Variants in TMPRSS6 observed in about 807,000 individuals in gnomAD.
TMPRSS6 encodes transmembrane protease serine 6.
TMPRSS6 carries 67 observed loss-of-function variants against 101.5 expected under a neutral mutation model. The observed-to-expected ratio is 0.66, with a 90% CI of 0.54 to 0.81. The LOEUF is 0.81. TMPRSS6 is among the 30% of genes least tolerant of loss of function. The pLI is 0.00. For synonymous variants in TMPRSS6, 453 were observed against 464.9 expected (o/e 0.97, Z 0.33); for missense variants, 1,034 against 1,088.7 (o/e 0.95, Z 0.71).
intron 1 of TMPRSS6, among the ~76,000 whole-genome samples, chr22:37,104,511 C>G (rs932000891): frequency 1.3e-5 from 2 of 152,194 alleles, no homozygotes; most frequent in African/African-American, 4.8e-5. Flanking sequence ...ATTTTGAGAC[C>G]CTTTCAAGCA....
intron 10 of TMPRSS6, among the ~76,000 whole-genome samples, chr22:37,076,942 CGGAGCCGGCCATGATTCCCAA>C (rs1388993659): frequency 1.3e-5 from 2 of 152,224 alleles, no homozygotes; most frequent in Non-Finnish European, 2.9e-5. Flanking sequence ...CAACACCCTG[CGGAGCCGGCCATGATTCCCAA>C]GGGCCAGGCA....
intron 16 of TMPRSS6, among the ~76,000 whole-genome samples, chr22:37,067,595 A>G (rs1036049850): frequency 2.0e-5 from 3 of 152,022 alleles, no homozygotes; most frequent in African/African-American, 4.8e-5. Context: ...GCTCTGTTAC[A>G]GCACCTGCAG....
intron 3 of TMPRSS6, among the ~76,000 whole-genome samples, chr22:37,097,586 C>A (rs937739108): frequency 6.6e-6 from 1 of 152,266 alleles, no homozygotes; most frequent in Non-Finnish European, 1.5e-5. Flanking sequence ...AGTGGTCCTG[C>A]AGCCTGAGAG....
chr22:37,075,238 G>T lies in TMPRSS6; in HGVS notation c.1239C>A (p.Ile413=). ...TGATCCCGGCCGTGGCCACCACGGG[G>T]ATCCTCTCGGCGTAGGGCTGCAGGA... is the stretch of plus-strand genomic sequence containing the variant. ...LRILQPYAER[I]PVVATAGITI... Residue 413 remains isoleucine (I), a synonymous_variant, in exon 11 of 18, where the codon ATC becomes ATA. Transcript: ENST00000676104. The T allele has an allele frequency of 5.0e-6, 8 of 1,613,822 alleles. No homozygotes were observed. The highest frequency in any genetic ancestry group is 6.8e-6 in the Non-Finnish European group (8 of 1,180,038).
chr22:37,099,694 G>T (rs1188257108), intron 2 of TMPRSS6, among the ~76,000 whole-genome samples: 1 of 152,256 alleles, frequency 6.6e-6, no homozygotes, highest in East Asian at 1.9e-4. Flanking sequence ...GAGGTGGTCA[G>T]TGCGGTGGGA....
At position 37,086,418 on chromosome 22, in the gene TMPRSS6, C is replaced by A. The variant is rs201148397; in HGVS notation, c.838G>T (p.Val280Leu). The A allele has an allele frequency of 1.5e-3, 2,439 of 1,580,844 alleles. 5 individuals carry two copies. Among genetic ancestry groups the A allele is most frequent in the Non-Finnish European group, 1.9e-3 (2,229 of 1,163,340 alleles). Residue 280 changes from valine to leucine, a missense_variant and splice_region_variant, in exon 8 of 18, where the codon GTG (valine) becomes TTG (leucine). Transcript: ENST00000676104. ...GGCTCCTGGCGGCTGCAGCCGTACA[C>A]CCTGGCAGAACAGAAAGGTGGCAAG... is the stretch of plus-strand genomic sequence containing the variant. The part of the protein sequence containing the change: ...GPLEKRLITS[V>L]YGCSRQEPVV...
intron 6 of TMPRSS6, among the ~76,000 whole-genome samples, chr22:37,090,798 G>T (rs1929193956): frequency 6.6e-6 from 1 of 152,178 alleles, no homozygotes; most frequent in Non-Finnish European, 1.5e-5. Flanking sequence ...TGAATGCCCA[G>T]CACAGCACCT....
At chr22:37,090,210 G>A (rs763710579) in intron 6 of TMPRSS6, among the ~76,000 whole-genome samples, 8 of 152,218 alleles carry the variant, frequency 5.3e-5, no homozygotes, top group Non-Finnish European at 8.8e-5. Flanking sequence ...TTTGAGAAAA[G>A]TACACACAGG....
rs1278884680 is a variant in TMPRSS6, at chr22:37,083,630, C to T, written c.1196+665G>A. The stretch of plus-strand genomic sequence containing the variant: ...CCTGGTGGCCAGGCCCAGTGGGCAC[C>T]TACTGGCCTCATGCCATAGTGACCC... On this transcript the variant is annotated intron_variant, in intron 10 of 17. Coordinates refer to ENST00000676104, the MANE Select transcript of TMPRSS6 (RefSeq NM_001374504.1). 2.0e-5 allele frequency among the ~76,000 whole-genome samples: 3 copies of T among 152,256 alleles called. No homozygotes were observed. In the East Asian group the frequency reaches 5.8e-4, roughly 29 times the overall value.
chr22:37,098,133 CG>C (rs1214896272), intron 3 of TMPRSS6, among the ~76,000 whole-genome samples: 112 of 152,018 alleles, frequency 7.4e-4, no homozygotes, highest in African/African-American at 2.6e-3. Context: ...GGGGCAGGAG[CG>C]GGCCCTCAAT....
At position 37,103,096 on chromosome 22, in the gene TMPRSS6, G is replaced by A; in HGVS notation, c.202+120C>T. The A allele has an allele frequency of 9.4e-7, 1 of 1,068,006 alleles. No homozygotes were observed. The highest frequency in any genetic ancestry group is 1.4e-6 in the Non-Finnish European group (1 of 713,266). The allele number at this position is 1,068,006 out of a possible 1,614,324, so 66.2% of individuals were successfully genotyped here. A position where few individuals can be genotyped will look rare whatever the true frequency, so the allele number is the denominator to read the frequency against. ...CAGAGAACAGAAGTGACTTGCCCAA[G>A]GTCACACAGCAATATGCTAAGCACG... On this transcript the variant is annotated intron_variant, in intron 2 of 17. Coordinates refer to ENST00000676104, the MANE Select transcript of TMPRSS6 (RefSeq NM_001374504.1). The surrounding 1 kb of genome is among the most constrained non-coding windows in gnomAD (Gnocchi z 4.4).
At chr22:37,097,665 CGTCCTGT>C (rs1929887097) in intron 3 of TMPRSS6, among the ~76,000 whole-genome samples, 3 of 151,168 alleles carry the variant, frequency 2.0e-5, no homozygotes, top group Non-Finnish European at 4.4e-5. Flanking sequence ...GAGTGGCCAC[CGTCCTGT>C]AACGGAGGGG....
At chr22:37,102,539 C>T (rs778714056) in intron 2 of TMPRSS6, among the ~76,000 whole-genome samples, 18 of 152,266 alleles carry the variant, frequency 1.2e-4, no homozygotes, top group South Asian at 4.2e-4. Context: ...AATGAATGAA[C>T]GGAGGCCTGG....
chr22:37,084,845 C>T lies in TMPRSS6; in HGVS notation c.974-6G>A. On this transcript the variant is annotated splice_polypyrimidine_tract_variant and splice_region_variant and intron_variant, in intron 8 of 17. Transcript: ENST00000676104. ...CGTCAGGTTCACTTCACAGGCTGGA[C>T]CAGGAGAGCAGCTGTTACACAGGGG... The T allele has an allele frequency of 6.4e-7, 1 of 1,551,008 alleles. No homozygotes were observed. The highest frequency in any genetic ancestry group is 8.7e-7 in the Non-Finnish European group (1 of 1,146,914).
At chr22:37,086,538 C>T (rs956372966) in intron 7 of TMPRSS6, 119 bp from the exon 8 acceptor site, 40 of 1,088,486 alleles carry the variant, frequency 3.7e-5, no homozygotes, top group African/African-American at 2.5e-4. Flanking sequence ...GTTCTGGGTC[C>T]GGGTCTCCTA....
intron 13 of TMPRSS6, among the ~76,000 whole-genome samples, chr22:37,071,423 G>C (rs1200588119): frequency 2.0e-5 from 3 of 152,192 alleles, no homozygotes; most frequent in Admixed American, 6.5e-5. Context: ...GCTCTTCACT[G>C]TAAAGAACTT....
At chr22:37,074,484 A>G in intron 12 of TMPRSS6, 126 bp downstream of exon 12, 1 of 924,240 alleles carries the variant, frequency 1.1e-6, no homozygotes, top group Admixed American at 2.2e-5. Flanking sequence ...AGAGAACCCC[A>G]CTTCCTGGGT....
chr22:37,102,379 C>T (rs1930394896), intron 2 of TMPRSS6, among the ~76,000 whole-genome samples: 1 of 152,224 alleles, frequency 6.6e-6, no homozygotes, highest in Admixed American at 6.5e-5. Context: ...AGTAAATGAA[C>T]AAATGAATGG....
rs780218999 is a variant in TMPRSS6, at chr22:37,086,271, CT to C, written c.973+11del. ...CACCCCTCCCCTGCCCCAGGGACCCCTGACCTCTCACCCTGGAAGACCACCG... is the reference window on the plus strand; with the variant it reads ...CACCCCTCCCCTGCCCCAGGGACCCCGACCTCTCACCCTGGAAGACCACCG... On this transcript the variant is annotated intron_variant, in intron 8 of 17. Transcript: ENST00000676104. The C allele has an allele frequency of 3.7e-5, 59 of 1,613,990 alleles. 1 individual carries two copies. Among genetic ancestry groups the C allele is most frequent in the East Asian group, 3.1e-4 (14 of 44,854 alleles).
Sources: gnomAD v4.1 joint callset for allele counts (sites outside exome capture counted in the v4.1 genomes callset) on GRCh38, gnomAD v4.1.1 for gene constraint, Gnocchi (gnomAD v3.1) non-coding constraint, MANE v1.5 for transcripts, NCBI Gene and HGNC (gene_info 2026-07-23, HGNC 2026-07-21) for gene names.